Variants in CFDP1 observed in about 807,000 individuals in gnomAD.
CFDP1 encodes chromatin remodeling protein CFDP1.
In CFDP1, 31 loss-of-function variants were observed where a neutral mutation model predicts 40.1. The ratio of observed to expected loss-of-function variants is 0.77; its 90% CI spans 0.58 to 1.04. CFDP1 has a LOEUF of 1.04. CFDP1 is among the 50% of genes least tolerant of loss of function. The probability of loss-of-function intolerance (pLI) is 0.00; values close to 1 mark genes in which losing one functional copy is unlikely to be tolerated. For missense variants in CFDP1, 423 were observed against 343.4 expected (o/e 1.23, Z -1.83); for synonymous variants, 167 against 120.0 (o/e 1.39, Z -2.56).
intron 1 of CFDP1, among the ~76,000 whole-genome samples, chr16:75,431,975 G>T (rs542064139): frequency 6.9e-6 from 1 of 145,290 alleles, no homozygotes. Context: ...GCAGTGGTGT[G>T]ATCTCGGCTC....
chr16:75,384,762 T>TA (rs912390706), intron 5 of CFDP1, among the ~76,000 whole-genome samples: 3 of 149,724 alleles, frequency 2.0e-5, no homozygotes, highest in African/African-American at 7.4e-5. Flanking sequence ...CAGGCAGGCA[T>TA]AAAAAAAATA....
intron 5 of CFDP1, among the ~76,000 whole-genome samples, chr16:75,320,044 G>A (rs894672267): frequency 6.6e-5 from 10 of 152,222 alleles, no homozygotes; most frequent in East Asian, 1.9e-4. Context: ...TTTTACCCAC[G>A]GTATCACTGA....
chr16:75,410,680 G>A (rs918512859), intron 4 of CFDP1, among the ~76,000 whole-genome samples: 11 of 150,326 alleles, frequency 7.3e-5, no homozygotes, highest in South Asian at 6.3e-4. Context: ...AGGCCGAGGC[G>A]GGCGGATCAC....
intron 1 of CFDP1, among the ~76,000 whole-genome samples, chr16:75,422,159 C>T (rs1400517441): frequency 1.3e-5 from 2 of 152,096 alleles, no homozygotes; most frequent in South Asian, 2.1e-4. Flanking sequence ...TGCAATGGTG[C>T]GATCTCGGCT....
intron 5 of CFDP1, among the ~76,000 whole-genome samples, chr16:75,386,627 A>G (rs1320139756): frequency 3.3e-5 from 5 of 152,162 alleles, no homozygotes. Context: ...TGGGAGGCTG[A>G]GGCAGGAGCA....
At chr16:75,389,642 T>A (rs544570126) in intron 5 of CFDP1, among the ~76,000 whole-genome samples, 4 of 148,716 alleles carry the variant, frequency 2.7e-5, no homozygotes, top group Non-Finnish European at 6.0e-5. Flanking sequence ...GCAAGACAAT[T>A]TCTATAAACT....
chr16:75,384,357 T>A (rs2078875392), intron 5 of CFDP1, among the ~76,000 whole-genome samples: 1 of 151,496 alleles, frequency 6.6e-6, no homozygotes, highest in Non-Finnish European at 1.5e-5. Flanking sequence ...TGAGACTCCA[T>A]CTCAAAAAAA....
rs868047498 is a variant in CFDP1 at position 75,412,603 on chromosome 16, C to G, written c.334G>C (p.Glu112Gln). 2 of 1,614,006 alleles carry G rather than the reference C, an allele frequency of 1.2e-6. No individual in the cohort carries two copies. Among genetic ancestry groups the G allele is most frequent in the Non-Finnish European group, 1.7e-6 (2 of 1,180,028 alleles). ...TCATTGAGGAAGCTGGCCCAGAGTT[C>G]GTCCTCCTTCTTTTTCCTGGCATCC... Reference protein sequence around the residue: ...SEDARKKKEDELWASFLNDVG... With the variant: ...SEDARKKKEDQLWASFLNDVG... Residue 112 changes from glutamate (E) to glutamine (Q), a missense_variant, in exon 3 of 7, where the codon GAA (glutamate) becomes CAA (glutamine). Physicochemically the swap from Glu to Gln is conservative, Grantham distance 29. Coordinates refer to ENST00000283882, the MANE Select transcript of CFDP1 (RefSeq NM_006324.3).
intron 4 of CFDP1, among the ~76,000 whole-genome samples, chr16:75,404,169 C>A (rs1036510470): frequency 6.6e-6 from 1 of 151,206 alleles, no homozygotes; most frequent in African/African-American, 2.4e-5. Flanking sequence ...ATTTATGGAA[C>A]CCGAAAACAA....
intron 5 of CFDP1, among the ~76,000 whole-genome samples, chr16:75,316,564 C>T (rs1328313753): frequency 1.8e-5 from 2 of 112,314 alleles, no homozygotes; most frequent in East Asian, 5.2e-4. Flanking sequence ...GGATGAGACC[C>T]TGTCTAAAAA....
intron 5 of CFDP1, among the ~76,000 whole-genome samples, chr16:75,321,025 G>A (rs1403607258): frequency 2.0e-5 from 3 of 152,060 alleles, no homozygotes; most frequent in Non-Finnish European, 2.9e-5. Flanking sequence ...GAACTCCTGG[G>A]CTCAAGTGAA....
intron 4 of CFDP1, among the ~76,000 whole-genome samples, chr16:75,401,569 C>T (rs2079054628): frequency 1.3e-5 from 2 of 151,990 alleles, no homozygotes; most frequent in African/African-American, 4.8e-5. Flanking sequence ...CACTACACTC[C>T]AGTCTGGGCG....
intron 5 of CFDP1, among the ~76,000 whole-genome samples, chr16:75,334,195 G>T (rs1035530215): frequency 7.0e-6 from 1 of 142,800 alleles, no homozygotes; most frequent in African/African-American, 2.8e-5. Context: ...CCTCCTCCTC[G>T]CAGCACCCTA....
At chr16:75,419,886 T>C (rs1439760484) in intron 1 of CFDP1, among the ~76,000 whole-genome samples, 1 of 152,130 alleles carries the variant, frequency 6.6e-6, no homozygotes, top group Admixed American at 6.5e-5. Flanking sequence ...GTCTGCTCTG[T>C]CTATGGAGTA....
rs2079313228 is a variant in CFDP1 at position 75,424,539 on chromosome 16, A to G, written c.64+8750T>C. ...GGGAGGCTGAGGCGGGCGGATCACG[A>G]GGTCAGGAGATCAAGACCATTCTGG... On this transcript the variant is annotated intron_variant, in intron 1 of 6. Coordinates refer to ENST00000283882, the MANE Select transcript of CFDP1 (RefSeq NM_006324.3). Among the ~76,000 whole-genome samples, 4 of 152,202 alleles carry G rather than the reference A, an allele frequency of 2.6e-5. No individual in the cohort carries two copies. The South Asian group carries it at 6.2e-4, about 24-fold the overall frequency.
At chr16:75,380,933 C>T (rs573613399) in intron 5 of CFDP1, among the ~76,000 whole-genome samples, 12 of 152,180 alleles carry the variant, frequency 7.9e-5, no homozygotes, top group Admixed American at 6.5e-4. Flanking sequence ...AGTTAGCAAT[C>T]GACAGTAGCA....
chr16:75,388,303 C>A (rs8048816), intron 5 of CFDP1, among the ~76,000 whole-genome samples: 116,310 of 152,176 alleles, frequency 0.76, 44,518 homozygotes, highest in Non-Finnish European at 0.79. Flanking sequence ...AATAAATAGA[C>A]ATTATTTATT....
At chr16:75,404,728 T>C (rs1345967005) in intron 4 of CFDP1, among the ~76,000 whole-genome samples, 3 of 146,852 alleles carry the variant, frequency 2.0e-5, no homozygotes, top group Non-Finnish European at 4.5e-5. Flanking sequence ...TTAAAACCAA[T>C]GCTGTGAAAT....
chr16:75,377,585 G>T (rs1431471990), intron 5 of CFDP1, among the ~76,000 whole-genome samples: 2 of 152,226 alleles, frequency 1.3e-5, no homozygotes, highest in African/African-American at 4.8e-5. Context: ...AACTAAATGT[G>T]AGAGAAGATA....
Sources: allele counts gnomAD v4.1 joint callset (sites outside exome capture counted in the v4.1 genomes callset), GRCh38; gene constraint gnomAD v4.1.1; transcripts MANE v1.5; gene names NCBI Gene and HGNC (gene_info 2026-07-23, HGNC 2026-07-21).